SYTL3: variants seen among roughly 807,000 people sequenced by gnomAD.
SYTL3 encodes the protein synaptotagmin like 3.
A neutral mutation model predicts 82.1 loss-of-function variants in SYTL3; 88 were observed. The observed-to-expected ratio is 1.07, with a 90% CI of 0.90 to 1.28. The LOEUF (loss-of-function observed/expected upper bound fraction) is 1.28. SYTL3 is among the 50% of genes most tolerant of loss of function. SYTL3 has a pLI of 0.00. For missense variants in SYTL3, 831 were observed against 757.6 expected (o/e 1.10, Z -1.14); for synonymous variants, 311 against 289.4 (o/e 1.07, Z -0.76).
chr6:158,717,445 A>C (rs1427936010), intron 9 of SYTL3, among the ~76,000 whole-genome samples: 3 of 151,992 alleles, frequency 2.0e-5, no homozygotes, highest in Non-Finnish European at 4.4e-5. Flanking sequence ...GGGGTTCTCA[A>C]GGGAAAATGA....
chr6:158,760,769 A>G, intron 15 of SYTL3, 24 bp downstream of exon 15: 2 of 1,573,828 alleles, frequency 1.3e-6, no homozygotes, highest in African/African-American at 2.7e-5. Context: ...AGCTCCCTGG[A>G]CATTGTCTGT....
At chr6:158,707,390 A>G (rs886237465) in intron 7 of SYTL3, 109 bp downstream of exon 7, 64 of 829,914 alleles carry the variant, frequency 7.7e-5, no homozygotes, top group Non-Finnish European at 1.1e-4. Context: ...CTGCTTTGGA[A>G]TGTGACTCTT....
chr6:158,696,931 G>GT lies in SYTL3; in HGVS notation c.395-10293dup, dbSNP rs572999903. Among the ~76,000 whole-genome samples, 1,270 of 151,974 alleles carry GT rather than the reference G, an allele frequency of 8.4e-3. 8 individuals carry two copies. The highest frequency in any genetic ancestry group is 0.014 in the Non-Finnish European group (985 of 67,940). ...AAGACCATTCAGTAGGGAAAGGATA[G>GT]TTTTTTCAACAAATGGCACTGGGAA... On this transcript the variant is annotated intron_variant, in intron 6 of 17. Coordinates refer to ENST00000611299, the MANE Select transcript of SYTL3 (RefSeq NM_001242394.2).
At chr6:158,744,494 T>G (rs919635374) in intron 11 of SYTL3, among the ~76,000 whole-genome samples, 5 of 151,566 alleles carry the variant, frequency 3.3e-5, no homozygotes, top group African/African-American at 1.2e-4. Context: ...TCTTTTTTTG[T>G]ATTTTTAGTA....
chr6:158,721,940 C>T (rs1370824922), intron 10 of SYTL3, among the ~76,000 whole-genome samples: 3 of 152,024 alleles, frequency 2.0e-5, no homozygotes, highest in East Asian at 1.9e-4. Context: ...TCCAGGAGTA[C>T]GTCTTTAAAT....
At chr6:158,743,012 G>A (rs1787133713) in intron 11 of SYTL3, among the ~76,000 whole-genome samples, 2 of 151,428 alleles carry the variant, frequency 1.3e-5, no homozygotes, top group African/African-American at 2.4e-5. Context: ...TAGCTCCTCA[G>A]GTTCCCCATG....
At position 158,692,632 on chromosome 6, in the gene SYTL3, A is replaced by C. The variant is rs186036181; in HGVS notation, c.394+9643A>C. On this transcript the variant is annotated intron_variant, in intron 6 of 17. Coordinates refer to ENST00000611299, the MANE Select transcript of SYTL3 (RefSeq NM_001242394.2). ...GTGTGGGCTTGAAACACTCAGGCTC[A>C]TGAATTAAAAGAAGCAGGTGCCAGG... Among the ~76,000 whole-genome samples, 4 of 152,068 alleles carry C rather than the reference A, an allele frequency of 2.6e-5. No individual in the cohort carries two copies. The East Asian group carries it at 7.8e-4, about 30-fold the overall frequency.
At chr6:158,693,201 T>A (rs565948899) in intron 6 of SYTL3, among the ~76,000 whole-genome samples, 71 of 152,354 alleles carry the variant, frequency 4.7e-4, no homozygotes, top group African/African-American at 1.7e-3. Flanking sequence ...ATAAAAATTT[T>A]AAAAATTTTA....
chr6:158,738,276 A>C (rs1405706593), intron 11 of SYTL3, among the ~76,000 whole-genome samples: 1 of 152,046 alleles, frequency 6.6e-6, no homozygotes. Context: ...CAAACATTTC[A>C]CACCTCCTCC....
intron 6 of SYTL3, among the ~76,000 whole-genome samples, chr6:158,706,487 C>T (rs1451867699): frequency 2.0e-5 from 3 of 152,144 alleles, no homozygotes; most frequent in East Asian, 1.9e-4. Context: ...TAGACTGCCT[C>T]CCAGGGTGGC....
intron 6 of SYTL3, among the ~76,000 whole-genome samples, chr6:158,702,994 A>G (rs2128445133): frequency 6.6e-6 from 1 of 151,900 alleles, no homozygotes; most frequent in South Asian, 2.1e-4. Flanking sequence ...CTCTACTAAA[A>G]ATACAAAAAA....
At chr6:158,744,659 T>C (rs1358289166) in intron 11 of SYTL3, among the ~76,000 whole-genome samples, 1 of 152,178 alleles carries the variant, frequency 6.6e-6, no homozygotes, top group Non-Finnish European at 1.5e-5. Context: ...AGATGTTTTA[T>C]AGTGTGGAGG....
chr6:158,729,809 G>A (rs1411328161), intron 11 of SYTL3, among the ~76,000 whole-genome samples: 2 of 151,544 alleles, frequency 1.3e-5, no homozygotes, highest in Non-Finnish European at 2.9e-5. Flanking sequence ...CTTGTGATCC[G>A]CTCGCCTTGG....
intron 9 of SYTL3, among the ~76,000 whole-genome samples, chr6:158,716,767 G>A (rs987862517): frequency 5.9e-5 from 9 of 152,146 alleles, no homozygotes; most frequent in African/African-American, 2.2e-4. Context: ...TGGATCCAAA[G>A]CCAGCCGGGG....
chr6:158,700,943 T>C (rs1425452457), intron 6 of SYTL3, among the ~76,000 whole-genome samples: 5 of 152,264 alleles, frequency 3.3e-5, no homozygotes, highest in South Asian at 4.2e-4. Flanking sequence ...CCACCTCTTA[T>C]ATGGCAAGCC....
chr6:158,757,427 A>G, intron 14 of SYTL3, 46 bp downstream of exon 14: 1 of 1,593,128 alleles, frequency 6.3e-7, no homozygotes, highest in South Asian at 1.1e-5. Flanking sequence ...CCACTGTGAT[A>G]GATAAATAAC....
chr6:158,756,915 G>A (rs532834340), intron 13 of SYTL3, among the ~76,000 whole-genome samples: 167 of 151,514 alleles, frequency 1.1e-3, no homozygotes, highest in African/African-American at 4.0e-3. Flanking sequence ...GGGGGTGGGA[G>A]GCTACCAGGG....
chr6:158,733,571 CCCT>C (rs1477217857), intron 11 of SYTL3, among the ~76,000 whole-genome samples: 2 of 151,874 alleles, frequency 1.3e-5, no homozygotes, highest in African/African-American at 4.8e-5. Flanking sequence ...TCGTGATCCG[CCCT>C]CCTCGGCCTC....
At chr6:158,711,508 A>G (rs911985636) in intron 8 of SYTL3, among the ~76,000 whole-genome samples, 1 of 152,242 alleles carries the variant, frequency 6.6e-6, no homozygotes, top group African/African-American at 2.4e-5. Flanking sequence ...CCAAGTCCCA[A>G]GGTGTCGGCG....
Sources: allele counts gnomAD v4.1 joint callset (sites outside exome capture counted in the v4.1 genomes callset), GRCh38; gene constraint gnomAD v4.1.1; transcripts MANE v1.5; gene names NCBI Gene and HGNC (gene_info 2026-07-23, HGNC 2026-07-21).